Variants in FAM184A observed in about 807,000 individuals in gnomAD.
FAM184A encodes the protein family with sequence similarity 184 member A.
FAM184A carries 99 observed loss-of-function variants against 143.8 expected under a neutral mutation model. The ratio of observed to expected loss-of-function variants is 0.69; its 90% CI spans 0.58 to 0.81. The LOEUF is 0.81. Among genes scored for constraint, FAM184A ranks in the 40% least tolerant of loss-of-function variants. FAM184A has a pLI of 0.00. For synonymous variants in FAM184A, 427 were observed against 446.4 expected, an observed-to-expected ratio of 0.96 and a Z score of 0.55; for missense variants, 1,217 against 1,310.5, an observed-to-expected ratio of 0.93 and a Z score of 1.10.
At chr6:119,062,126 G>C (rs568443408) in intron 1 of FAM184A, among the ~76,000 whole-genome samples, 1 of 152,042 alleles carries the variant, frequency 6.6e-6, no homozygotes, top group South Asian at 2.1e-4. Flanking sequence ...AGGTGATCAG[G>C]GTTAGCCTTC....
intron 1 of FAM184A, among the ~76,000 whole-genome samples, chr6:119,088,774 C>A (rs777469259): frequency 3.9e-5 from 6 of 152,180 alleles, no homozygotes; most frequent in African/African-American, 1.2e-4. Context: ...GTACAAGCAA[C>A]TGAACTCCAA....
At chr6:118,985,380 G>C (rs1225935373) in intron 9 of FAM184A, among the ~76,000 whole-genome samples, 1 of 152,176 alleles carries the variant, frequency 6.6e-6, no homozygotes, top group African/African-American at 2.4e-5. Flanking sequence ...ATGTGGATGA[G>C]GTGGTTTTCA....
chr6:119,032,665 G>A (rs1004284264), intron 1 of FAM184A, among the ~76,000 whole-genome samples: 1 of 151,614 alleles, frequency 6.6e-6, no homozygotes, highest in African/African-American at 2.4e-5. Context: ...GAGGGAGCAG[G>A]GAGGTGGAAA....
chr6:118,992,726 A>T (rs1052380322), intron 9 of FAM184A, among the ~76,000 whole-genome samples: 5 of 152,158 alleles, frequency 3.3e-5, no homozygotes, highest in Admixed American at 6.5e-5. Flanking sequence ...CACAAGTTCA[A>T]GACCAGCCTG....
chr6:119,131,005 C>T (rs1161138929), intron 1 of FAM184A, among the ~76,000 whole-genome samples: 1 of 151,850 alleles, frequency 6.6e-6, no homozygotes, highest in East Asian at 1.9e-4. Flanking sequence ...ATTACAGGCG[C>T]CTGCCACCAT....
chr6:119,050,609 AT>A (rs1392341380), intron 1 of FAM184A, among the ~76,000 whole-genome samples: 2 of 151,848 alleles, frequency 1.3e-5, no homozygotes, highest in Non-Finnish European at 2.9e-5. Context: ...GATCGAGACC[AT>A]CCTGGCTAAC....
chr6:119,126,104 C>T (rs532928585), intron 1 of FAM184A, among the ~76,000 whole-genome samples: 1 of 152,258 alleles, frequency 6.6e-6, no homozygotes, highest in Non-Finnish European at 1.5e-5. Flanking sequence ...TGGGGTCATC[C>T]AAAGTTATTC....
At chr6:119,036,549 A>G (rs901472393) in intron 1 of FAM184A, among the ~76,000 whole-genome samples, 12 of 152,068 alleles carry the variant, frequency 7.9e-5, no homozygotes, top group African/African-American at 2.9e-4. Flanking sequence ...TGTGGAATAC[A>G]TCTGTTTCCC....
chr6:119,111,477 C>G (rs185092720), intron 1 of FAM184A, among the ~76,000 whole-genome samples: 3 of 152,226 alleles, frequency 2.0e-5, no homozygotes, highest in African/African-American at 7.2e-5. Flanking sequence ...GTTCTCAGTG[C>G]CCAGAACTGT....
intron 1 of FAM184A, among the ~76,000 whole-genome samples, chr6:119,054,322 A>C (rs1786879435): frequency 2.6e-5 from 4 of 152,234 alleles, no homozygotes; most frequent in South Asian, 2.1e-4. Flanking sequence ...ACCATAAACT[A>C]GGTAGCTTAT....
intron 1 of FAM184A, among the ~76,000 whole-genome samples, chr6:119,069,861 C>A (rs1562137425): frequency 6.6e-6 from 1 of 151,538 alleles, no homozygotes; most frequent in Non-Finnish European, 1.5e-5. Context: ...AGGAATTTAC[C>A]CTGTTATTTT....
At chr6:119,053,837 A>G (rs1786855744) in intron 1 of FAM184A, among the ~76,000 whole-genome samples, 1 of 152,220 alleles carries the variant, frequency 6.6e-6, no homozygotes, top group Admixed American at 6.5e-5. Flanking sequence ...ACAGAGTAGT[A>G]TTATCCCAAA....
At chr6:119,093,401 G>C (rs1788425531) in intron 1 of FAM184A, among the ~76,000 whole-genome samples, 1 of 152,022 alleles carries the variant, frequency 6.6e-6, no homozygotes. Flanking sequence ...GTGAGTCACG[G>C]GAGAATTACA....
intron 1 of FAM184A, among the ~76,000 whole-genome samples, chr6:119,029,078 A>G (rs1439931799): frequency 6.6e-6 from 1 of 152,208 alleles, no homozygotes; most frequent in Non-Finnish European, 1.5e-5. Context: ...GCCAGAGAGA[A>G]GCCCATTTGC....
chr6:118,977,609 GATTTC>G lies in FAM184A; in HGVS notation c.2456-1570_2456-1566del, dbSNP rs541819060. On this transcript the variant is annotated intron_variant, in intron 11 of 17. Coordinates refer to ENST00000338891, the MANE Select transcript of FAM184A (RefSeq NM_024581.6). ...TCCCCAAAAAGGTTAAATATTGTAT[GATTTC>G]ATTTATAAAATTAGAGCATTCTTAA... Among the ~76,000 whole-genome samples, 964 of 152,220 alleles carry G rather than the reference GATTTC, an allele frequency of 6.3e-3. 7 individuals are homozygous for G. Among genetic ancestry groups the G allele is most frequent in the African/African-American group, 0.022 (896 of 41,538 alleles).
In FAM184A at chr6:118,980,144, C is replaced by CTCCTTT. The variant is rs1783978064; in HGVS notation, c.2289_2294dup (p.Lys764_Glu765dup). On this transcript the variant is annotated inframe_insertion, in exon 10 of 18. Transcript: ENST00000338891. ...TATGTCACATAAAACTTACTCTTTG[C>CTCCTTT]TCCTTTTCCTTTTCCTCTTCCATAG... The CTCCTTT allele has an allele frequency of 6.2e-7, 1 of 1,613,072 alleles. No homozygotes were observed. Among genetic ancestry groups the CTCCTTT allele is most frequent in the Non-Finnish European group, 8.5e-7 (1 of 1,179,052 alleles).
chr6:119,107,652 C>T (rs1371045005), intron 1 of FAM184A, among the ~76,000 whole-genome samples: 2 of 151,994 alleles, frequency 1.3e-5, no homozygotes, highest in Admixed American at 6.6e-5. Context: ...GTGGCATGCA[C>T]CTGTAATTCC....
chr6:118,976,889 T>C (rs1332292801), intron 11 of FAM184A, among the ~76,000 whole-genome samples: 3 of 152,004 alleles, frequency 2.0e-5, no homozygotes, highest in South Asian at 4.1e-4. Context: ...GGATGAAATA[T>C]AATGACAACA....
At chr6:119,138,925 C>T (rs1484025436) in intron 1 of FAM184A, among the ~76,000 whole-genome samples, 2 of 152,020 alleles carry the variant, frequency 1.3e-5, no homozygotes, top group African/African-American at 2.4e-5. Flanking sequence ...CGCACCCAGC[C>T]CCTTTCATTT....
Sources: allele counts gnomAD v4.1 joint callset (sites outside exome capture counted in the v4.1 genomes callset), GRCh38; gene constraint gnomAD v4.1.1; transcripts MANE v1.5; gene names NCBI Gene and HGNC (gene_info 2026-07-23, HGNC 2026-07-21).